KHDC4: variants seen among roughly 807,000 people sequenced by gnomAD.
KHDC4 encodes KH domain containing 4, pre-mRNA splicing factor.
A neutral mutation model predicts 74.5 loss-of-function variants in KHDC4; 19 were observed. The observed-to-expected ratio is 0.26, with a 90% CI of 0.18 to 0.37. The LOEUF is 0.37. KHDC4 is among the 10% of genes least tolerant of loss of function. The probability of loss-of-function intolerance (pLI) is 1.00; values close to 1 mark genes in which losing one functional copy is unlikely to be tolerated. For synonymous variants in KHDC4, 253 were observed against 266.1 expected (o/e 0.95, Z 0.48); for missense variants, 632 against 754.1 (o/e 0.84, Z 1.90).
intron 10 of KHDC4, among the ~76,000 whole-genome samples, chr1:155,920,244 C>G (rs1001406985): frequency 2.2e-5 from 1 of 46,488 alleles, no homozygotes; most frequent in Non-Finnish European, 1.0e-4. Context: ...TCGAGATCAT[C>G]CTGGCTAACA....
chr1:155,928,814 T>C (rs1674081149), intron 4 of KHDC4, among the ~76,000 whole-genome samples: 1 of 151,650 alleles, frequency 6.6e-6, no homozygotes, highest in African/African-American at 2.4e-5. Flanking sequence ...TAGCCAGGCG[T>C]GGTGGCAGGT....
chr1:155,926,358 C>G, intron 6 of KHDC4: 2 of 285,100 alleles, frequency 7.0e-6, no homozygotes, highest in Non-Finnish European at 1.2e-5. Context: ...GAGATGGAGT[C>G]TTGCTCTGTG....
intron 2 of KHDC4, chr1:155,932,619 A>T (rs1038415315): frequency 6.6e-6 from 1 of 152,248 alleles, no homozygotes; most frequent in Non-Finnish European, 1.5e-5. Flanking sequence ...AGATGCTTTT[A>T]ATTTTTCCTC....
chr1:155,923,851 TTTTAAGATATAACC>T (rs1673921924), intron 7 of KHDC4, among the ~76,000 whole-genome samples, 164 bp from the exon 8 acceptor site: 1 of 152,220 alleles, frequency 6.6e-6, no homozygotes, highest in Non-Finnish European at 1.5e-5. Flanking sequence ...AACATAAGTC[TTTTAAGATATAACC>T]ACTATCATTA....
Position 155,927,119 on chromosome 1 carries a change from G to A in KHDC4, c.502C>T (p.Arg168Trp), listed in dbSNP as rs202053954. ...PLYLHVQGQT[R>W]ELVDRAVNRI... is the part of the protein sequence containing the mutation. ...CATTACTTACTGTCCACTAATTCCCGTGTCTGGCCCTGAACATGAAGATAT... is the reference window on the plus strand; with the variant it reads ...CATTACTTACTGTCCACTAATTCCCATGTCTGGCCCTGAACATGAAGATAT... Residue 168 changes from arginine (R) to tryptophan (W), a missense_variant, in exon 5 of 14, where the codon CGG (arginine) becomes TGG (tryptophan). Physicochemically the swap from Arg to Trp is moderately radical, Grantham distance 101 (BLOSUM62 -3). This residue lies in a region of KHDC4 where 233 missense variants were observed against 342.6 expected (regional missense o/e 0.68). Coordinates refer to ENST00000368321, the MANE Select transcript of KHDC4 (RefSeq NM_014949.4). The A allele has an allele frequency of 6.2e-6, 10 of 1,613,766 alleles. 1 individual carries two copies. Among genetic ancestry groups the A allele is most frequent in the South Asian group, 3.3e-5 (3 of 91,082 alleles).
chr1:155,928,681 G>GCA (rs1674077504), intron 4 of KHDC4, among the ~76,000 whole-genome samples: 2 of 151,706 alleles, frequency 1.3e-5, no homozygotes, highest in African/African-American at 4.8e-5. Context: ...TGCCGGGCGT[G>GCA]GTGGCTCACG....
chr1:155,915,666 C>A, intron 13 of KHDC4: 1 of 490,208 alleles, frequency 2.0e-6, no homozygotes, highest in Non-Finnish European at 3.6e-6. Flanking sequence ...CACCACCATG[C>A]CCGCTAGTTT....
At chr1:155,919,142 A>G (rs1418524683) in intron 10 of KHDC4, among the ~76,000 whole-genome samples, 2 of 151,578 alleles carry the variant, frequency 1.3e-5, no homozygotes, top group Non-Finnish European at 2.9e-5. Context: ...TAATTTTTGT[A>G]TTTTTAGCAG....
chr1:155,934,262 G>A (rs1325708130), intron 1 of KHDC4, 74 bp downstream of exon 1: 1 of 1,470,956 alleles, frequency 6.8e-7, no homozygotes, highest in Non-Finnish European at 9.4e-7. Flanking sequence ...CACCCTATAC[G>A]CAGCTTCTCA....
intron 8 of KHDC4, among the ~76,000 whole-genome samples, chr1:155,922,681 C>T (rs1553230715): frequency 6.6e-6 from 1 of 152,136 alleles, no homozygotes; most frequent in Non-Finnish European, 1.5e-5. Flanking sequence ...GTAAGGGTTT[C>T]GTATTTTCCT....
At chr1:155,917,854 T>C (rs1037620878) in intron 10 of KHDC4, among the ~76,000 whole-genome samples, 182 bp from the exon 11 acceptor site, 4 of 152,190 alleles carry the variant, frequency 2.6e-5, no homozygotes, top group African/African-American at 9.6e-5. Context: ...ACCTTCATCC[T>C]AGGGAAACAT....
chr1:155,917,368 A>T (rs1472108325), intron 11 of KHDC4, 131 bp downstream of exon 11: 24 of 817,014 alleles, frequency 2.9e-5, no homozygotes, highest in Non-Finnish European at 4.6e-5. Context: ...TAGGATAAAA[A>T]ACCTAACCAA....
intron 4 of KHDC4, among the ~76,000 whole-genome samples, chr1:155,928,572 A>AAGT (rs1303887183): frequency 7.1e-6 from 1 of 141,066 alleles, no homozygotes; most frequent in East Asian, 2.1e-4. Context: ...GAATAATCAC[A>AAGT]AACTATAACC....
Position 155,929,283 on chromosome 1 carries a change from A to T in KHDC4, c.464+13T>A, listed in dbSNP as rs751753081. On this transcript the variant is annotated intron_variant, in intron 4 of 13. Coordinates refer to ENST00000368321, the MANE Select transcript of KHDC4 (RefSeq NM_014949.4). ...ACCCAACCCTTCCATAAACAAGATA[A>T]GAGAATACGCACCCTGGTCCCACTT... is the stretch of plus-strand genomic sequence containing the variant. The T allele has an allele frequency of 1.9e-6, 3 of 1,598,544 alleles. No individual in the cohort carries two copies. In the South Asian group the frequency reaches 3.3e-5, roughly 18 times the overall value.
chr1:155,925,029 AT>A (rs34219961), intron 7 of KHDC4, among the ~76,000 whole-genome samples: 32 of 137,972 alleles, frequency 2.3e-4, no homozygotes, highest in Admixed American at 2.9e-4. Flanking sequence ...CACCTGGCTA[AT>A]TTTTTTTTTT....
At chr1:155,916,600 C>T (rs1673735474) in intron 12 of KHDC4, 25 bp downstream of exon 12, 1 of 1,454,542 alleles carries the variant, frequency 6.9e-7, no homozygotes, top group Non-Finnish European at 9.6e-7. Flanking sequence ...CATCTGAATA[C>T]ATTTGCATAA....
chr1:155,916,304 A>C (rs951890657), intron 12 of KHDC4, among the ~76,000 whole-genome samples: 1 of 152,200 alleles, frequency 6.6e-6, no homozygotes, highest in Admixed American at 6.5e-5. Context: ...AATGACTCTA[A>C]AGTAGCAAAA....
chr1:155,928,176 C>A (rs550541659), intron 4 of KHDC4, among the ~76,000 whole-genome samples: 2 of 151,992 alleles, frequency 1.3e-5, no homozygotes, highest in Admixed American at 6.6e-5. Context: ...ACTTTTGAGA[C>A]CAGCCTGTCC....
rs577624775 is a variant in KHDC4 at position 155,916,289 on chromosome 1, A to G, written c.1554-325T>C. Among the ~76,000 whole-genome samples the G allele has an allele frequency of 3.9e-5, 6 of 152,352 alleles. No individual in the cohort carries two copies. The South Asian group carries it at 1.2e-3, about 32-fold the overall frequency. ...ACATTCATGTACTTCCATCCATGAT[A>G]TTCTAATGACTCTAAAGTAGCAAAA... is the stretch of plus-strand genomic sequence containing the variant. On this transcript the variant is annotated intron_variant, in intron 12 of 13. Coordinates refer to ENST00000368321, the MANE Select transcript of KHDC4 (RefSeq NM_014949.4).
Sources: gnomAD v4.1 joint callset for allele counts (sites outside exome capture counted in the v4.1 genomes callset) on GRCh38, gnomAD v4.1.1 for gene constraint, gnomAD v4.1.1 regional missense constraint, MANE v1.5 for transcripts, NCBI Gene and HGNC (gene_info 2026-07-23, HGNC 2026-07-21) for gene names.